SH2D4B: variants seen among roughly 807,000 people sequenced by gnomAD.
The protein encoded by SH2D4B is SH2 domain containing 4B, also known as SH2 domain-containing protein 4B.
A neutral mutation model predicts 61.5 loss-of-function variants in SH2D4B; 45 were observed. That is an observed-to-expected ratio of 0.73 (90% CI 0.58 to 0.94). The LOEUF is 0.94. SH2D4B is among the 40% of genes least tolerant of loss of function. SH2D4B has a pLI of 0.00. For synonymous variants in SH2D4B, 224 were observed against 220.4 expected (o/e 1.02, Z -0.14); for missense variants, 572 against 574.2 (o/e 1.00, Z 0.04).
chr10:80,602,552 T>TA lies in SH2D4B; in HGVS notation c.644-1026dup, dbSNP rs545426860. On this transcript the variant is annotated intron_variant, in intron 4 of 7. Coordinates refer to ENST00000646907, the MANE Select transcript of SH2D4B (RefSeq NM_001388272.1). The stretch of plus-strand genomic sequence containing the variant: ...GGTGTCTTGGAGTCTCGTAAGCTGT[T>TA]AGAGTTAGCAGAAGATCCTCTTCCC... Among the ~76,000 whole-genome samples, 157 of 152,088 alleles carry TA rather than the reference T, an allele frequency of 1.0e-3. 1 individual carries two copies. The highest frequency in any genetic ancestry group is 2.0e-3 in the Non-Finnish European group (133 of 67,998).
intron 1 of SH2D4B, among the ~76,000 whole-genome samples, chr10:80,547,518 C>A (rs993370443): frequency 6.6e-6 from 1 of 152,122 alleles, no homozygotes; most frequent in African/African-American, 2.4e-5. Context: ...TTGTTCACAA[C>A]CCCTTTCCTG....
At chr10:80,616,532 C>T (rs1389511259) in intron 6 of SH2D4B, among the ~76,000 whole-genome samples, 1 of 152,154 alleles carries the variant, frequency 6.6e-6, no homozygotes, top group East Asian at 1.9e-4. Context: ...GAAATTTTAA[C>T]CCTTTTCTAT....
intron 4 of SH2D4B, among the ~76,000 whole-genome samples, chr10:80,593,805 A>ATTTTG (rs113455056): frequency 2.4e-4 from 36 of 151,986 alleles, no homozygotes; most frequent in African/African-American, 8.0e-4. Context: ...GTCTTTCACT[A>ATTTTG]TTTTGTTTTG....
intron 4 of SH2D4B, among the ~76,000 whole-genome samples, chr10:80,601,237 T>C (rs1842449518): frequency 6.6e-6 from 1 of 152,242 alleles, no homozygotes; most frequent in Non-Finnish European, 1.5e-5. Flanking sequence ...CTCTTATTGA[T>C]CTTCCCACAC....
At chr10:80,597,098 C>T (rs1842393458) in intron 4 of SH2D4B, among the ~76,000 whole-genome samples, 1 of 152,124 alleles carries the variant, frequency 6.6e-6, no homozygotes, top group South Asian at 2.1e-4. Context: ...GGAGGGTGTG[C>T]ATAGGCTATA....
At chr10:80,613,398 T>G (rs1842624746) in intron 6 of SH2D4B, among the ~76,000 whole-genome samples, 1 of 152,260 alleles carries the variant, frequency 6.6e-6, no homozygotes, top group African/African-American at 2.4e-5. Flanking sequence ...CAGAACCCAT[T>G]TCTCTTCCTG....
Position 80,603,898 on chromosome 10 carries a change from G to A in SH2D4B, c.860+103G>A, listed in dbSNP as rs1842484709. On this transcript the variant is annotated intron_variant, in intron 5 of 7. Coordinates refer to ENST00000646907, the MANE Select transcript of SH2D4B (RefSeq NM_001388272.1). ...GGGTCTGCCCCAGATTTGCTGTGTA[G>A]TTTGGGGCTAGCATTTCCCCTCTGG... 3 of 1,051,560 alleles carry A rather than the reference G, an allele frequency of 2.9e-6. No homozygotes were observed. The East Asian group carries it at 7.8e-5, about 27-fold the overall frequency. 65.1% of individuals were successfully genotyped at this position (1,051,560 alleles called of 1,614,324 possible). A position where few individuals can be genotyped will look rare whatever the true frequency, so the allele number is the denominator to read the frequency against.
intron 3 of SH2D4B, among the ~76,000 whole-genome samples, chr10:80,573,171 A>G (rs1304199343): frequency 1.4e-5 from 2 of 144,996 alleles, no homozygotes; most frequent in Admixed American, 1.4e-4. Flanking sequence ...TGTATTTTTT[A>G]GTAGAGACGG....
At chr10:80,639,540 C>T (rs548549433) in intron 7 of SH2D4B, among the ~76,000 whole-genome samples, 1 of 152,270 alleles carries the variant, frequency 6.6e-6, no homozygotes, top group South Asian at 2.1e-4. Flanking sequence ...ATGTAATGGC[C>T]TTCTTTGTCT....
At chr10:80,549,209 G>A (rs943347695) in intron 1 of SH2D4B, among the ~76,000 whole-genome samples, 38 of 141,628 alleles carry the variant, frequency 2.7e-4, no homozygotes, top group African/African-American at 9.5e-4. Context: ...TTGATTGTGT[G>A]TGTGTGTGTG....
intron 6 of SH2D4B, among the ~76,000 whole-genome samples, chr10:80,613,975 C>T (rs1323674751): frequency 6.6e-6 from 1 of 152,094 alleles, no homozygotes; most frequent in African/African-American, 2.4e-5. Flanking sequence ...ATATAAATCA[C>T]AGAAGTCATT....
chr10:80,571,414 T>C lies in SH2D4B; in HGVS notation c.348-17T>C, dbSNP rs751944989. On this transcript the variant is annotated splice_polypyrimidine_tract_variant and intron_variant, in intron 2 of 7. Transcript: ENST00000646907. ...AGTTTTTCACACAAGCTTATACCTG[T>C]GGTGCTCTCTTGGTAGGAGACAGAA... 35 of 1,613,248 alleles carry C rather than the reference T, an allele frequency of 2.2e-5. No homozygotes were observed. Among genetic ancestry groups the C allele is most frequent in the Middle Eastern group, 1.6e-4 (1 of 6,080 alleles).
intron 7 of SH2D4B, among the ~76,000 whole-genome samples, chr10:80,641,285 C>T (rs1371501041): frequency 1.3e-5 from 2 of 152,250 alleles, no homozygotes; most frequent in Admixed American, 1.3e-4. Context: ...TGTCTGTTCT[C>T]AGAGCTCAAA....
chr10:80,618,905 G>A (rs1281627479), intron 6 of SH2D4B, among the ~76,000 whole-genome samples: 1 of 152,172 alleles, frequency 6.6e-6, no homozygotes. Flanking sequence ...AGAATTCTGG[G>A]TTGGCTTTGA....
chr10:80,608,793 G>A (rs1210498337), intron 5 of SH2D4B, among the ~76,000 whole-genome samples: 1 of 152,012 alleles, frequency 6.6e-6, no homozygotes, highest in Admixed American at 6.5e-5. Flanking sequence ...TTATTTTCTG[G>A]GCAGGGAATC....
intron 4 of SH2D4B, among the ~76,000 whole-genome samples, chr10:80,592,715 CTT>C (rs60807866): frequency 1.2e-4 from 16 of 134,518 alleles, no homozygotes; most frequent in Non-Finnish European, 7.9e-5. Context: ...CTCTCTGTCT[CTT>C]TTTTTTTTTT....
chr10:80,605,491 G>A (rs1842508549), intron 5 of SH2D4B, among the ~76,000 whole-genome samples: 5 of 151,986 alleles, frequency 3.3e-5, no homozygotes. Context: ...ATTCTTGATT[G>A]TTACAAGGTC....
At chr10:80,634,918 T>C (rs573823216) in intron 7 of SH2D4B, among the ~76,000 whole-genome samples, 1 of 152,332 alleles carries the variant, frequency 6.6e-6, no homozygotes, top group South Asian at 2.1e-4. Flanking sequence ...TGAAGTGCAG[T>C]AGGCAACCCT....
chr10:80,627,610 C>T (rs1842778925), intron 6 of SH2D4B, among the ~76,000 whole-genome samples: 1 of 135,188 alleles, frequency 7.4e-6, no homozygotes. Flanking sequence ...GCCTTTATCA[C>T]CATTGCTCAC....
Sources: allele counts gnomAD v4.1 joint callset (sites outside exome capture counted in the v4.1 genomes callset), GRCh38; gene constraint gnomAD v4.1.1; transcripts MANE v1.5; gene names NCBI Gene and HGNC (gene_info 2026-07-23, HGNC 2026-07-21).